The following MYO3B variants were observed in gnomAD, a reference collection of about 807,000 sequenced individuals.
MYO3B encodes myosin-IIIb.
MYO3B carries 156 observed loss-of-function variants against 174.6 expected under a neutral mutation model. That is an observed-to-expected ratio of 0.89 (90% CI 0.78 to 1.02). The LOEUF is 1.02. Among genes scored for constraint, MYO3B ranks in the 50% least tolerant of loss-of-function variants. The pLI is 0.00. For missense variants in MYO3B, 1,632 were observed against 1,639.4 expected (o/e 1.00, Z 0.08); for synonymous variants, 563 against 569.1 (o/e 0.99, Z 0.15).
At chr2:170,223,629 A>G (rs1194876353) in intron 6 of MYO3B, among the ~76,000 whole-genome samples, 2 of 152,230 alleles carry the variant, frequency 1.3e-5, no homozygotes, top group African/African-American at 4.8e-5. Flanking sequence ...TATATCAAAC[A>G]CATGCCAGGT....
At chr2:170,284,852 T>A (rs980771099) in intron 7 of MYO3B, among the ~76,000 whole-genome samples, 1 of 152,304 alleles carries the variant, frequency 6.6e-6, no homozygotes, top group Non-Finnish European at 1.5e-5. Context: ...ATAAAATTGG[T>A]GTGTATTTTT....
intron 32 of MYO3B, among the ~76,000 whole-genome samples, chr2:170,627,595 G>A (rs1163960924): frequency 4.6e-5 from 7 of 152,364 alleles, no homozygotes; most frequent in Middle Eastern, 3.4e-3. Flanking sequence ...TGCTGGTGAG[G>A]AGCTGTGTTC....
intron 5 of MYO3B, among the ~76,000 whole-genome samples, chr2:170,215,629 T>C (rs2092819607): frequency 1.3e-5 from 2 of 152,228 alleles, no homozygotes; most frequent in South Asian, 4.1e-4. Flanking sequence ...TATCAGTTTA[T>C]CACTTGCTCA....
chr2:170,440,878 T>G (rs1438711346), intron 22 of MYO3B, among the ~76,000 whole-genome samples: 8 of 138,640 alleles, frequency 5.8e-5, no homozygotes, highest in African/African-American at 1.6e-4. Flanking sequence ...CTCGGTTCAC[T>G]GCAACCTCCG....
intron 32 of MYO3B, among the ~76,000 whole-genome samples, chr2:170,590,879 C>T (rs557856046): frequency 1.3e-5 from 2 of 152,036 alleles, no homozygotes; most frequent in South Asian, 2.1e-4. Flanking sequence ...AACGTTTGGC[C>T]GCAATACTCT....
At chr2:170,368,079 C>CT (rs767907401) in intron 8 of MYO3B, among the ~76,000 whole-genome samples, 1 of 152,142 alleles carries the variant, frequency 6.6e-6, no homozygotes, top group Non-Finnish European at 1.5e-5. Context: ...GAAACCAAAG[C>CT]TTTTTTGTAA....
At chr2:170,222,725 C>T (rs1428168074) in intron 6 of MYO3B, among the ~76,000 whole-genome samples, 3 of 152,214 alleles carry the variant, frequency 2.0e-5, no homozygotes, top group Non-Finnish European at 2.9e-5. Context: ...AATAAGTTCA[C>T]GTTCTGAGAT....
chr2:170,651,443 G>C (rs1699005100), intron 32 of MYO3B, among the ~76,000 whole-genome samples, 185 bp from the exon 33 acceptor site: 1 of 152,136 alleles, frequency 6.6e-6, no homozygotes. Flanking sequence ...AGTGGCCCTT[G>C]TTTACACTTA....
intron 11 of MYO3B, 55 bp downstream of exon 11, chr2:170,383,244 G>A: frequency 9.2e-7 from 1 of 1,082,990 alleles, no homozygotes; most frequent in Non-Finnish European, 1.4e-6. Flanking sequence ...AAACTCACAA[G>A]GGCAAATGAA....
rs200088876 is a variant in MYO3B at position 170,651,581 on chromosome 2, T to C, written c.3734-47T>C. On this transcript the variant is annotated intron_variant, in intron 32 of 34. Coordinates refer to ENST00000408978, the MANE Select transcript of MYO3B (RefSeq NM_138995.5). ...TGAAGAGCCATTTTTCACTTAATTTTCCCAACACCTCGGACAGTTTACAGC... is the reference window on the plus strand; with the variant it reads ...TGAAGAGCCATTTTTCACTTAATTTCCCCAACACCTCGGACAGTTTACAGC... 1.3e-4 allele frequency: 202 copies of C among 1,529,234 alleles called. No individual in the cohort carries two copies. In the African/African-American group the frequency reaches 2.3e-3, roughly 17 times the overall value. 94.7% of individuals were successfully genotyped at this position (1,529,234 alleles called of 1,614,324 possible).
intron 6 of MYO3B, among the ~76,000 whole-genome samples, chr2:170,234,120 G>A (rs1272968572): frequency 1.6e-5 from 2 of 128,034 alleles, no homozygotes; most frequent in South Asian, 2.6e-4. Flanking sequence ...GCAGTGAGCC[G>A]AGATCCCGCC....
chr2:170,187,919 G>T (rs895625857), intron 1 of MYO3B, among the ~76,000 whole-genome samples: 10 of 152,202 alleles, frequency 6.6e-5, no homozygotes. Context: ...TGATATATGT[G>T]CTGGGGAAAA....
intron 7 of MYO3B, among the ~76,000 whole-genome samples, chr2:170,252,367 G>T (rs1410828493): frequency 6.6e-6 from 1 of 152,208 alleles, no homozygotes; most frequent in Non-Finnish European, 1.5e-5. Flanking sequence ...AGTAAGGAAA[G>T]AATGACCTTA....
chr2:170,369,183 A>C (rs753557584), intron 8 of MYO3B, 39 bp from the exon 9 acceptor site: 1 of 1,598,466 alleles, frequency 6.3e-7, no homozygotes, highest in Non-Finnish European at 8.5e-7. Flanking sequence ...AGGGTGTCTA[A>C]GATTGTACTT....
Position 170,515,034 on chromosome 2 carries a change from C to A in MYO3B, c.3472+12C>A. On this transcript the variant is annotated intron_variant, in intron 29 of 34. Coordinates refer to ENST00000408978, the MANE Select transcript of MYO3B (RefSeq NM_138995.5). ...TGGTGACCATAAAGGTAGAGTCTTT[C>A]GAGATTTAGAATGAGTGTTCTAAAT... is the stretch of plus-strand genomic sequence containing the variant. The A allele has an allele frequency of 6.2e-7, 1 of 1,610,192 alleles. No homozygotes were observed. Among genetic ancestry groups the A allele is most frequent in the Non-Finnish European group, 8.5e-7 (1 of 1,177,434 alleles).
intron 23 of MYO3B, among the ~76,000 whole-genome samples, chr2:170,446,259 C>T (rs1048410528): frequency 6.6e-6 from 1 of 152,132 alleles, no homozygotes; most frequent in Non-Finnish European, 1.5e-5. Flanking sequence ...CACTGGCTTC[C>T]ACCAGTTCTA....
At chr2:170,402,393 C>T (rs1017389478) in intron 18 of MYO3B, among the ~76,000 whole-genome samples, 8 of 152,142 alleles carry the variant, frequency 5.3e-5, no homozygotes, top group Non-Finnish European at 1.2e-4. Flanking sequence ...CACTATCTTA[C>T]ATTACTATTC....
At position 170,463,390 on chromosome 2, in the gene MYO3B, G is replaced by C; in HGVS notation, c.2753G>C (p.Arg918Pro). ...CAGGTGGACACTCTGGAGGTGATAC[G>C]GCATCCGGAAGAAACCACCAACATG... is the stretch of plus-strand genomic sequence containing the variant. ...KAKVDTLEVIRHPEETTNMKR... is the reference protein window; with the variant it reads ...KAKVDTLEVIPHPEETTNMKR... Residue 918 changes from arginine to proline, a missense_variant, in exon 24 of 35, where the codon CGG becomes CCG. Physicochemically the swap from Arg to Pro is moderately radical, Grantham distance 103. Coordinates refer to ENST00000408978, the MANE Select transcript of MYO3B (RefSeq NM_138995.5). 2 of 1,613,880 alleles carry C rather than the reference G, an allele frequency of 1.2e-6. No homozygotes were observed. The highest frequency in any genetic ancestry group is 1.1e-5 in the South Asian group (1 of 91,040).
chr2:170,460,617 T>G (rs781607960), intron 23 of MYO3B, among the ~76,000 whole-genome samples: 14 of 152,192 alleles, frequency 9.2e-5, no homozygotes, highest in Non-Finnish European at 1.9e-4. Context: ...GGTTTTTACT[T>G]TATTTCCAAA....
Sources: allele counts gnomAD v4.1 joint callset (sites outside exome capture counted in the v4.1 genomes callset), GRCh38; gene constraint gnomAD v4.1.1; transcripts MANE v1.5; gene names NCBI Gene and HGNC (gene_info 2026-07-23, HGNC 2026-07-21).